Variants in EMX1 observed in about 807,000 individuals in gnomAD.
EMX1 encodes the protein empty spiracles homeobox 1, also known as homeobox protein EMX1.
In EMX1, 10 loss-of-function variants were observed where a neutral mutation model predicts 20.1. The observed-to-expected ratio is 0.50, with a 90% CI of 0.31 to 0.84. The LOEUF is 0.84. EMX1 is among the 40% of genes least tolerant of loss of function. EMX1 has a pLI of 0.05. For synonymous variants in EMX1, 250 were observed against 200.4 expected (o/e 1.25, Z -2.09); for missense variants, 424 against 431.9 (o/e 0.98, Z 0.16).
chr2:72,924,567 G>A (rs1671162162), intron 2 of EMX1, 74 bp downstream of exon 2: 1 of 1,446,816 alleles, frequency 6.9e-7, no homozygotes, highest in East Asian at 2.5e-5. Context: ...GTGCAGGAGA[G>A]GCCCTGAGCC....
chr2:72,924,049 G>C (rs1400938556), intron 1 of EMX1: 2 of 583,426 alleles, frequency 3.4e-6, no homozygotes, highest in African/African-American at 3.7e-5. Flanking sequence ...CTTAACAGAG[G>C]GATCTGGAGA....
At chr2:72,927,893 C>T (rs1335579627) in intron 2 of EMX1, among the ~76,000 whole-genome samples, 2 of 152,218 alleles carry the variant, frequency 1.3e-5, no homozygotes, top group African/African-American at 4.8e-5. Flanking sequence ...TGTCATTGCT[C>T]CCTCCCTGTC....
chr2:72,925,432 C>A (rs1413908846), intron 2 of EMX1: 1 of 1,284,046 alleles, frequency 7.8e-7, no homozygotes, highest in Non-Finnish European at 1.0e-6. Context: ...GCTCTTGGTC[C>A]ACCCAGGTCC....
chr2:72,925,746 T>A, intron 2 of EMX1: 1 of 985,426 alleles, frequency 1.0e-6, no homozygotes, highest in Non-Finnish European at 1.2e-6. Context: ...CCAAACTTCA[T>A]CCGCAGCTTT....
upstream of EMX1, chr2:72,917,169 T>G: frequency 1.6e-6 from 1 of 610,522 alleles, no homozygotes; most frequent in Non-Finnish European, 3.0e-6. Context: ...CCAAGTTCTC[T>G]GAGAACTGAA....
At chr2:72,932,311 C>T (rs1671298998) in intron 2 of EMX1, among the ~76,000 whole-genome samples, 1 of 152,086 alleles carries the variant, frequency 6.6e-6, no homozygotes, top group South Asian at 2.1e-4. Context: ...GCACCTCCTC[C>T]CCAAGGGGGG....
intron 2 of EMX1, among the ~76,000 whole-genome samples, chr2:72,928,009 G>C (rs1671231055): frequency 6.6e-6 from 1 of 152,234 alleles, no homozygotes; most frequent in Non-Finnish European, 1.5e-5. Context: ...TCAGATCAGT[G>C]TGTGAATGAG....
chr2:72,924,099 G>A (rs1023867660), intron 1 of EMX1: 3 of 634,834 alleles, frequency 4.7e-6, no homozygotes, highest in Non-Finnish European at 8.5e-6. Context: ...TGGCTCTCGA[G>A]TGCGGGGAGG....
chr2:72,924,414 G>A lies in EMX1; in HGVS notation c.626G>A (p.Arg209His). The A allele has an allele frequency of 1.9e-6, 3 of 1,594,024 alleles. No individual in the cohort carries two copies. Among genetic ancestry groups the A allele is most frequent in the Non-Finnish European group, 2.6e-6 (3 of 1,175,330 alleles). The change falls in exon 2 of 3, where the codon CGC becomes CAC. Residue 209 changes from arginine to histidine, a missense_variant. Transcript: ENST00000258106. Reference protein sequence around the residue: ...FSPSQLLRLERAFEKNHYVVG... With the variant: ...FSPSQLLRLEHAFEKNHYVVG... ...CCCTCGCAGCTGCTGCGGCTGGAGC[G>A]CGCCTTCGAGAAGAACCACTACGTG...
At chr2:72,918,859 G>A (rs116121248) in intron 1 of EMX1, among the ~76,000 whole-genome samples, 1,863 of 152,326 alleles carry the variant, frequency 0.012, 25 homozygotes, top group African/African-American at 0.043. Context: ...GGGAAGCAAG[G>A]GCAGCAGGGA....
chr2:72,917,345 C>T (rs1298160781), upstream of EMX1: 1 of 378,534 alleles, frequency 2.6e-6, no homozygotes, highest in African/African-American at 2.1e-5. Context: ...CGAGGAGAAG[C>T]CAGTGGCGAG....
chr2:72,917,063 G>A (rs1314546621), upstream of EMX1: 1 of 659,310 alleles, frequency 1.5e-6, no homozygotes, highest in Non-Finnish European at 2.8e-6. Context: ...GGCCGATGGT[G>A]GGTGAGTGGG....
At chr2:72,925,695 G>C in intron 2 of EMX1, 1 of 985,456 alleles carries the variant, frequency 1.0e-6, no homozygotes, top group East Asian at 1.1e-4. Context: ...CCTCCCTTTA[G>C]CAGCCAGAGT....
At chr2:72,922,357 C>G (rs1671118740) in intron 1 of EMX1, among the ~76,000 whole-genome samples, 1 of 152,238 alleles carries the variant, frequency 6.6e-6, no homozygotes, top group Non-Finnish European at 1.5e-5. Flanking sequence ...GGAGCAGGCT[C>G]CATATTTTTC....
rs1186958343 is a variant in EMX1 at position 72,918,302 on chromosome 2, C to G, written c.450C>G (p.Ala150=). 3 of 1,573,200 alleles carry G rather than the reference C, an allele frequency of 1.9e-6. No homozygotes were observed. Among genetic ancestry groups the G allele is most frequent in the Non-Finnish European group, 2.6e-6 (3 of 1,170,648 alleles). Residue 150 remains alanine, a synonymous_variant, in exon 1 of 3, where the codon GCC becomes GCG. Transcript: ENST00000258106. ...PLQPPHSFFG[A]QHRDPLHFYP... ...AGCCCCCGCACTCCTTCTTCGGCGC[C>G]CAGCACCGGGACCCTCTCCATTTCT...
chr2:72,933,665 C>T, intron 2 of EMX1, 122 bp from the exon 3 acceptor site: 1 of 1,367,832 alleles, frequency 7.3e-7, no homozygotes, highest in Non-Finnish European at 9.8e-7. Flanking sequence ...CCTGGGGCCC[C>T]TAACCCTATG....
chr2:72,932,305 C>T (rs1671298888), intron 2 of EMX1, among the ~76,000 whole-genome samples: 1 of 152,248 alleles, frequency 6.6e-6, no homozygotes, highest in Admixed American at 6.5e-5. Flanking sequence ...CCCTCTGCAC[C>T]TCCTCCCCAA....
At chr2:72,921,068 C>T (rs1671095260) in intron 1 of EMX1, among the ~76,000 whole-genome samples, 2 of 145,978 alleles carry the variant, frequency 1.4e-5, no homozygotes, top group African/African-American at 5.6e-5. Flanking sequence ...AGCCCCTGGC[C>T]GGCGGCGGCC....
chr2:72,929,445 C>T (rs976136328), intron 2 of EMX1, among the ~76,000 whole-genome samples: 1 of 152,186 alleles, frequency 6.6e-6, no homozygotes, highest in African/African-American at 2.4e-5. Context: ...GAAGGTTGAA[C>T]TTAGCATGGC....
Sources: allele counts gnomAD v4.1 joint callset (sites outside exome capture counted in the v4.1 genomes callset), GRCh38; gene constraint gnomAD v4.1.1; transcripts MANE v1.5; gene names NCBI Gene and HGNC (gene_info 2026-07-23, HGNC 2026-07-21).